The following LRRIQ1 variants were observed in gnomAD, a reference collection of about 807,000 sequenced individuals.
The protein encoded by LRRIQ1 is leucine rich repeats and IQ motif containing 1, also known as leucine-rich repeat- and IQ domain-containing protein 1.
In LRRIQ1, 210 loss-of-function variants were observed where a neutral mutation model predicts 211.9. The ratio of observed to expected loss-of-function variants is 0.99; its 90% CI spans 0.89 to 1.11. LRRIQ1 has a LOEUF of 1.11. Ranked by LOEUF, LRRIQ1 falls within the 50% of genes most tolerant of loss-of-function variation. The pLI, the probability that LRRIQ1 is intolerant of heterozygous loss-of-function variation, is 0.00. For missense variants in LRRIQ1, 2,136 were observed against 1,939.5 expected (o/e 1.10, Z -1.90); for synonymous variants, 699 against 650.1 (o/e 1.08, Z -1.14).
intron 18 of LRRIQ1, among the ~76,000 whole-genome samples, chr12:85,131,335 GCACCCAAGT>G (rs1422307320): frequency 6.6e-6 from 1 of 151,974 alleles, no homozygotes; most frequent in Admixed American, 6.6e-5. Context: ...AATGGAGACA[GCACCCAAGT>G]CACCTCATGT....
intron 15 of LRRIQ1, among the ~76,000 whole-genome samples, chr12:85,113,907 T>TGTGTGTGTGTGTGTGTG: frequency 7.1e-6 from 1 of 140,966 alleles, no homozygotes; most frequent in Non-Finnish European, 1.5e-5. Flanking sequence ...CAAATGAGTT[T>TGTGTGTGTGTGTGTGTG]TGTGTGTGTG....
chr12:85,152,433 T>C lies in LRRIQ1; in HGVS notation c.4419+64T>C, dbSNP rs1401647139. ...CTCATTTCTTAAGGTTATGCTATGT[T>C]GCAGTGATTAATAATACAATTTATT... On this transcript the variant is annotated intron_variant, in intron 20 of 26. Transcript: ENST00000393217. 3 of 1,231,264 alleles carry C rather than the reference T, an allele frequency of 2.4e-6. No homozygotes were observed. In the Admixed American group the frequency reaches 6.6e-5, roughly 27 times the overall value. 76.3% of individuals were successfully genotyped at this position (1,231,264 alleles called of 1,614,324 possible). A position where few individuals can be genotyped will look rare whatever the true frequency, so the allele number is the denominator to read the frequency against.
At chr12:85,232,492 T>C (rs939920288) in intron 25 of LRRIQ1, among the ~76,000 whole-genome samples, 1 of 152,188 alleles carries the variant, frequency 6.6e-6, no homozygotes, top group East Asian at 1.9e-4. Flanking sequence ...TTATTAGAAA[T>C]TGAGTTTTAT....
intron 24 of LRRIQ1, among the ~76,000 whole-genome samples, chr12:85,172,114 G>A (rs1460230454): frequency 1.3e-5 from 2 of 152,168 alleles, no homozygotes; most frequent in Non-Finnish European, 2.9e-5. Context: ...CTACAAGGAA[G>A]AAGAAAGAAG....
chr12:85,120,075 T>C (rs1422221445), intron 15 of LRRIQ1, among the ~76,000 whole-genome samples: 1 of 152,208 alleles, frequency 6.6e-6, no homozygotes, highest in East Asian at 1.9e-4. Context: ...TTTTGAACTC[T>C]CCTTCCTTTT....
chr12:85,249,419 GTGTC>G (rs1210461001), downstream of LRRIQ1, among the ~76,000 whole-genome samples: 2 of 151,822 alleles, frequency 1.3e-5, no homozygotes, highest in African/African-American at 4.8e-5. Context: ...ATAAATGTGT[GTGTC>G]TGTGTGCATC....
At chr12:85,200,199 A>G (rs1040929355) in intron 24 of LRRIQ1, among the ~76,000 whole-genome samples, 1 of 152,126 alleles carries the variant, frequency 6.6e-6, no homozygotes, top group Non-Finnish European at 1.5e-5. Flanking sequence ...GTTTAGCTGT[A>G]TCTCTAGGTA....
At chr12:85,199,236 A>G (rs1201406106) in intron 24 of LRRIQ1, among the ~76,000 whole-genome samples, 1 of 152,010 alleles carries the variant, frequency 6.6e-6, no homozygotes, top group Non-Finnish European at 1.5e-5. Context: ...TAGGGTTTTT[A>G]TAGTTTTATG....
At chr12:85,168,946 A>T (rs1242380865) in intron 24 of LRRIQ1, among the ~76,000 whole-genome samples, 4 of 152,176 alleles carry the variant, frequency 2.6e-5, no homozygotes, top group African/African-American at 9.7e-5. Flanking sequence ...TGGCAACAAC[A>T]TATCATCAAT....
At position 85,108,962 on chromosome 12, in the gene LRRIQ1, G is replaced by A. The variant is rs370166848; in HGVS notation, c.3377+2347G>A. On this transcript the variant is annotated intron_variant, in intron 15 of 26. Coordinates refer to ENST00000393217, the MANE Select transcript of LRRIQ1 (RefSeq NM_001079910.2). ...GTTCAGGCAGTTAAAATACATTTAT[G>A]AACAAAACACAAACTAAAAAAAAAA... is the stretch of plus-strand genomic sequence containing the variant. Among the ~76,000 whole-genome samples, 24 of 151,560 alleles carry A rather than the reference G, an allele frequency of 1.6e-4. 1 individual carries two copies. The East Asian group carries it at 2.7e-3, about 17-fold the overall frequency.
Position 85,056,613 on chromosome 12 carries a change from T to C in LRRIQ1, c.1820T>C (p.Ile607Thr). 1 of 1,594,768 alleles carries C rather than the reference T, an allele frequency of 6.3e-7. No individual in the cohort carries two copies. The highest frequency in any genetic ancestry group is 2.2e-5 in the East Asian group (1 of 44,522). Reference sequence around the variant, plus strand: ...TATAAAGATAAGGATACTTTAGTTATTTCAGTGAAACAAAGATCACTCTCA... The same window carrying C: ...TATAAAGATAAGGATACTTTAGTTACTTCAGTGAAACAAAGATCACTCTCA... ...LLYKDKDTLV[I>T]SVKQRSLSLT... The change falls in exon 8 of 27, where the codon ATT (isoleucine) becomes ACT (threonine). Residue 607 changes from isoleucine (I) to threonine (T), a missense_variant. Coordinates refer to ENST00000393217, the MANE Select transcript of LRRIQ1 (RefSeq NM_001079910.2).
In LRRIQ1 at chr12:85,162,665, A is replaced by C. The variant is rs998082496; in HGVS notation, c.4822+1951A>C. 1.9e-5 allele frequency: 8 copies of C among 428,312 alleles called. No homozygotes were observed. The East Asian group carries it at 4.9e-4, about 26-fold the overall frequency. 26.5% of individuals were successfully genotyped at this position (428,312 alleles called of 1,614,324 possible). A position where few individuals can be genotyped will look rare whatever the true frequency, so the allele number is the denominator to read the frequency against. On this transcript the variant is annotated intron_variant, in intron 24 of 26. Coordinates refer to ENST00000393217, the MANE Select transcript of LRRIQ1 (RefSeq NM_001079910.2). ...GTATAAAATATGCTAGAAATAGTTC[A>C]AAGTAGTGATAAATTCAAAGTGGCC...
At chr12:85,224,162 G>A (rs375013890) in intron 24 of LRRIQ1, among the ~76,000 whole-genome samples, 1 of 143,292 alleles carries the variant, frequency 7.0e-6, no homozygotes, top group African/African-American at 2.7e-5. Flanking sequence ...GCTCATCACT[G>A]GTCATTAAAG....
chr12:85,114,926 A>C (rs1887467850), intron 15 of LRRIQ1, among the ~76,000 whole-genome samples: 1 of 152,178 alleles, frequency 6.6e-6, no homozygotes, highest in Admixed American at 6.5e-5. Context: ...ACCCCATGAT[A>C]CCAACAAAAG....
chr12:85,102,101 T>G (rs1886392290), intron 13 of LRRIQ1, among the ~76,000 whole-genome samples: 1 of 151,618 alleles, frequency 6.6e-6, no homozygotes, highest in Non-Finnish European at 1.5e-5. Context: ...ATAAGTACAT[T>G]TATTAAAATT....
intron 24 of LRRIQ1, among the ~76,000 whole-genome samples, chr12:85,226,273 G>T (rs1411461984): frequency 1.3e-5 from 2 of 152,102 alleles, no homozygotes; most frequent in African/African-American, 4.8e-5. Flanking sequence ...CTAAAAGTTT[G>T]CTTATTACAA....
intron 15 of LRRIQ1, 122 bp downstream of exon 15, chr12:85,106,737 T>C (rs1886814096): frequency 1.5e-6 from 1 of 681,810 alleles, no homozygotes; most frequent in East Asian, 2.9e-5. Context: ...TTAAAAGTCA[T>C]TTTAAACCAA....
chr12:85,203,008 G>T (rs1430078946), intron 24 of LRRIQ1, among the ~76,000 whole-genome samples: 1 of 152,048 alleles, frequency 6.6e-6, no homozygotes, highest in Admixed American at 6.5e-5. Flanking sequence ...TTGGCTCTGT[G>T]TCCCCACACA....
chr12:85,207,338 C>T (rs1223418634), intron 24 of LRRIQ1, among the ~76,000 whole-genome samples: 1 of 151,958 alleles, frequency 6.6e-6, no homozygotes, highest in African/African-American at 2.4e-5. Flanking sequence ...GCAGATGTGC[C>T]TCCTACTTTC....
Sources: gnomAD v4.1 joint callset for allele counts (sites outside exome capture counted in the v4.1 genomes callset) on GRCh38, gnomAD v4.1.1 for gene constraint, MANE v1.5 for transcripts, NCBI Gene and HGNC (gene_info 2026-07-23, HGNC 2026-07-21) for gene names.